KCNJ5: variants seen among roughly 807,000 people sequenced by gnomAD.
The protein encoded by KCNJ5 is G protein-activated inward rectifier potassium channel 4.
Under a neutral mutation model 20.2 loss-of-function variants are expected in KCNJ5, and 12 were observed. The observed-to-expected ratio is 0.59, with a 90% CI of 0.38 to 0.96. The LOEUF is 0.96. Ranked by LOEUF, KCNJ5 falls within the 40% of genes least tolerant of loss-of-function variation. KCNJ5 has a pLI of 0.00. For missense variants in KCNJ5, 449 were observed against 557.6 expected, an observed-to-expected ratio of 0.81 and a Z score of 1.96; for synonymous variants, 210 against 213.9, an observed-to-expected ratio of 0.98 and a Z score of 0.16.
chr11:128,892,523 G>A (rs1357111134), intron 1 of KCNJ5, among the ~76,000 whole-genome samples: 1 of 152,180 alleles, frequency 6.6e-6, no homozygotes, highest in Non-Finnish European at 1.5e-5. Flanking sequence ...CCTGTTCCAG[G>A]AGCCTTTTCA....
chr11:128,912,890 A>C (rs1251397839), intron 2 of KCNJ5, among the ~76,000 whole-genome samples: 1 of 152,208 alleles, frequency 6.6e-6, no homozygotes, highest in Non-Finnish European at 1.5e-5. Flanking sequence ...AGCACTTTCG[A>C]ATGATAGAGC....
At chr11:128,893,512 G>C (rs1452811741) in intron 1 of KCNJ5, among the ~76,000 whole-genome samples, 1 of 152,162 alleles carries the variant, frequency 6.6e-6, no homozygotes, top group Non-Finnish European at 1.5e-5. Flanking sequence ...ATTGTCCCCA[G>C]AACAACGTTC....
In KCNJ5 at chr11:128,904,454, A is replaced by T. The variant is rs750703043; in HGVS notation, c.-10-6810A>T. The T allele has an allele frequency of 1.9e-6, 3 of 1,614,058 alleles. No homozygotes were observed. The South Asian group carries it at 3.3e-5, about 18-fold the overall frequency. Reference sequence around the variant, plus strand: ...ACCTGTTGGAGTCACCTGGGGCCAGATTCTGGGACTAGGCATCAGCACGTT... The same window carrying T: ...ACCTGTTGGAGTCACCTGGGGCCAGTTTCTGGGACTAGGCATCAGCACGTT... On this transcript the variant is annotated intron_variant, in intron 1 of 2. Coordinates refer to ENST00000529694, the MANE Select transcript of KCNJ5 (RefSeq NM_000890.5).
intron 1 of KCNJ5, among the ~76,000 whole-genome samples, chr11:128,908,448 C>A (rs768790474): frequency 5.3e-5 from 8 of 152,168 alleles, no homozygotes; most frequent in Non-Finnish European, 1.2e-4. Context: ...CTGGGTTGAG[C>A]AAGGGATGAC....
At chr11:128,896,625 T>TGC (rs1944181477) in intron 1 of KCNJ5, among the ~76,000 whole-genome samples, 2 of 152,020 alleles carry the variant, frequency 1.3e-5, no homozygotes, top group Non-Finnish European at 2.9e-5. Flanking sequence ...TGTGTGTGTG[T>TGC]GTGTGTGGTT....
intron 1 of KCNJ5, among the ~76,000 whole-genome samples, chr11:128,895,248 G>A (rs2135982031): frequency 6.6e-6 from 1 of 152,244 alleles, no homozygotes; most frequent in Non-Finnish European, 1.5e-5. Flanking sequence ...AGTCAGGGAG[G>A]TCCAATGCCA....
chr11:128,916,011 T>C (rs934034935), intron 2 of KCNJ5, among the ~76,000 whole-genome samples: 13 of 108,320 alleles, frequency 1.2e-4, no homozygotes, highest in Non-Finnish European at 2.4e-4. Flanking sequence ...GATGGATGGA[T>C]GATTGGATGG....
chr11:128,897,291 T>C (rs1210848283), intron 1 of KCNJ5, among the ~76,000 whole-genome samples: 1 of 151,896 alleles, frequency 6.6e-6, no homozygotes, highest in Non-Finnish European at 1.5e-5. Flanking sequence ...AGAGACAAGG[T>C]TTCACCATGT....
chr11:128,912,075 C>A lies in KCNJ5; in HGVS notation c.802C>A (p.Leu268Ile), dbSNP rs1307514365. ...NVGFDTGDDR[L>I]FLVSPLIISH... is the part of the protein sequence containing the mutation. Reference sequence around the variant, plus strand: ...GGGCTTTGACACGGGCGACGACCGCCTCTTCCTTGTGTCTCCTCTGATCAT... The same window carrying A: ...GGGCTTTGACACGGGCGACGACCGCATCTTCCTTGTGTCTCCTCTGATCAT... Residue 268 changes from leucine to isoleucine, a missense_variant, in exon 2 of 3, where the codon CTC becomes ATC. Around this residue, in one of 5 missense-constraint regions of KCNJ5, gnomAD observed 145 missense variants for 166.2 expected, o/e 0.87. Transcript: ENST00000529694. 1 of 1,613,962 alleles carries A rather than the reference C, an allele frequency of 6.2e-7. No homozygotes were observed. Among genetic ancestry groups the A allele is most frequent in the Admixed American group, 1.7e-5 (1 of 60,028 alleles).
rs2136006928 is a variant in KCNJ5 at position 128,919,709 on chromosome 11, A to G, written c.*2978A>G. On this transcript the variant is annotated 3_prime_UTR_variant, in exon 3 of 3. Coordinates refer to ENST00000529694, the MANE Select transcript of KCNJ5 (RefSeq NM_000890.5). ...GAGACAGGGTCTCGCTCTGTCGCCC[A>G]GGCTGGAGTGCAGTGGTACAACCTC... 6.6e-6 allele frequency: 1 copy of G among 152,420 alleles called. No individual in the cohort carries two copies. Among genetic ancestry groups the G allele is most frequent in the South Asian group, 2.1e-4 (1 of 4,830 alleles). 9.4% of individuals were successfully genotyped at this position (152,420 alleles called of 1,614,324 possible).
chr11:128,918,788 C>G lies in KCNJ5; in HGVS notation c.*2057C>G, dbSNP rs1944627537. The stretch of plus-strand genomic sequence containing the variant: ...GGCTCCCCACTCCCAGGGAGGGGCT[C>G]CATAAGCTTTGCTCCTGGGCTGGAT... On this transcript the variant is annotated 3_prime_UTR_variant, in exon 3 of 3. Coordinates refer to ENST00000529694, the MANE Select transcript of KCNJ5 (RefSeq NM_000890.5). 1 of 152,336 alleles carries G rather than the reference C, an allele frequency of 6.6e-6. No individual in the cohort carries two copies. Among genetic ancestry groups the G allele is most frequent in the South Asian group, 2.1e-4 (1 of 4,826 alleles). The allele number at this position is 152,336 out of a possible 1,614,324, so 9.4% of individuals were successfully genotyped here.
chr11:128,913,799 T>C (rs1278429687), intron 2 of KCNJ5, among the ~76,000 whole-genome samples: 1 of 152,210 alleles, frequency 6.6e-6, no homozygotes, highest in Non-Finnish European at 1.5e-5. Flanking sequence ...CACTTACAAA[T>C]CTGGAGCTTC....
chr11:128,916,244 A>AGGTGGATGGATG (rs1944579769), intron 2 of KCNJ5, among the ~76,000 whole-genome samples, 165 bp from the exon 3 acceptor site: 1 of 129,170 alleles, frequency 7.7e-6, no homozygotes, highest in Non-Finnish European at 1.6e-5. Context: ...ATAGATGATT[A>AGGTGGATGGATG]GATGGATGGA....
At chr11:128,914,695 A>G (rs1944551416) in intron 2 of KCNJ5, among the ~76,000 whole-genome samples, 1 of 152,232 alleles carries the variant, frequency 6.6e-6, no homozygotes, top group East Asian at 1.9e-4. Flanking sequence ...CAAGATGAAA[A>G]GGAGCTGTGC....
intron 2 of KCNJ5, among the ~76,000 whole-genome samples, chr11:128,915,788 T>A (rs987606574): frequency 6.7e-6 from 1 of 149,452 alleles, no homozygotes; most frequent in African/African-American, 2.5e-5. Context: ...AATGTATGGA[T>A]AATTGGATGG....
chr11:128,903,591 G>A (rs959458012), intron 1 of KCNJ5: 38 of 1,495,518 alleles, frequency 2.5e-5, no homozygotes, highest in East Asian at 4.6e-5. Flanking sequence ...TTTCTACTGC[G>A]GGGGCCGTTG....
chr11:128,897,511 T>C lies in KCNJ5; in HGVS notation c.-11+5790T>C, dbSNP rs901435065. On this transcript the variant is annotated intron_variant, in intron 1 of 2. Transcript: ENST00000529694. The stretch of plus-strand genomic sequence containing the variant: ...TGATTGGCTTTTGTTGTTGTTTCTG[T>C]TGAGTTTTGAGAATTTTTAAGTATA... Among the ~76,000 whole-genome samples the C allele has an allele frequency of 2.0e-5, 3 of 152,230 alleles. No homozygotes were observed. In the East Asian group the frequency reaches 5.8e-4, roughly 29 times the overall value.
chr11:128,908,848 G>T (rs1944462209), intron 1 of KCNJ5, among the ~76,000 whole-genome samples: 1 of 152,182 alleles, frequency 6.6e-6, no homozygotes, highest in South Asian at 2.1e-4. Context: ...GGGGTGTCCA[G>T]AATACACGGG....
chr11:128,912,011 G>A lies in KCNJ5; in HGVS notation c.738G>A (p.Glu246=), dbSNP rs372736753. The change falls in exon 2 of 3, where the codon GAG becomes GAA. Residue 246 remains glutamate (E), a synonymous_variant. Transcript: ENST00000529694. ...TCATCAAGTCCCGGCAGACCAAAGA[G>A]GGGGAGTTCATCCCCCTGAACCAGA... ...AKLIKSRQTK[E]GEFIPLNQTD... is the part of the protein sequence containing the mutation. The A allele has an allele frequency of 3.8e-5, 62 of 1,610,708 alleles. 1 individual carries two copies. The East Asian group carries it at 9.2e-4, about 24-fold the overall frequency.
Sources: allele counts gnomAD v4.1 joint callset (sites outside exome capture counted in the v4.1 genomes callset), GRCh38; gene constraint gnomAD v4.1.1; regional missense constraint gnomAD v4.1.1; transcripts MANE v1.5; gene names NCBI Gene and HGNC (gene_info 2026-07-23, HGNC 2026-07-21).